Variants in ACVR1 observed in about 807,000 individuals in gnomAD.
ACVR1 encodes the protein activin A receptor type 1.
A neutral mutation model predicts 57.1 loss-of-function variants in ACVR1; 38 were observed. That is an observed-to-expected ratio of 0.67 (90% CI 0.51 to 0.87). The LOEUF (loss-of-function observed/expected upper bound fraction) is 0.87. Ranked by LOEUF, ACVR1 falls within the 40% of genes least tolerant of loss-of-function variation. The pLI is 0.00. For synonymous variants in ACVR1, 212 were observed against 228.1 expected (o/e 0.93, Z 0.63); for missense variants, 463 against 638.2 (o/e 0.73, Z 2.96).
chr2:157,845,517 G>C (rs1402131655), intron 1 of ACVR1, among the ~76,000 whole-genome samples: 1 of 152,128 alleles, frequency 6.6e-6, no homozygotes, highest in East Asian at 1.9e-4. Flanking sequence ...CCATCAGTTA[G>C]AGCATAACTC....
At chr2:157,834,507 G>A (rs1034301031) in intron 1 of ACVR1, among the ~76,000 whole-genome samples, 40 of 152,076 alleles carry the variant, frequency 2.6e-4, no homozygotes, top group African/African-American at 8.9e-4. Context: ...AGGTAGATGC[G>A]TAGGTCCCAA....
chr2:157,801,938 C>A (rs980303948), intron 2 of ACVR1, among the ~76,000 whole-genome samples: 4 of 152,090 alleles, frequency 2.6e-5, no homozygotes, highest in Non-Finnish European at 4.4e-5. Context: ...ATATTAGGAA[C>A]CTAAAATAGT....
intron 9 of ACVR1, among the ~76,000 whole-genome samples, chr2:157,749,039 G>A (rs1685078188): frequency 6.6e-6 from 1 of 152,096 alleles, no homozygotes; most frequent in Non-Finnish European, 1.5e-5. Flanking sequence ...CTAAATATAT[G>A]GCATTTTCTT....
At chr2:157,802,789 T>C (rs1221050964) in intron 2 of ACVR1, among the ~76,000 whole-genome samples, 1 of 152,216 alleles carries the variant, frequency 6.6e-6, no homozygotes, top group Non-Finnish European at 1.5e-5. Flanking sequence ...TGTGTGCTTT[T>C]GAACATCTGT....
At chr2:157,826,041 G>C (rs1023908805) in intron 1 of ACVR1, among the ~76,000 whole-genome samples, 1 of 152,194 alleles carries the variant, frequency 6.6e-6, no homozygotes, top group East Asian at 1.9e-4. Flanking sequence ...TGGCAGGAAT[G>C]TGGTAATCCT....
At chr2:157,817,376 G>A (rs1687975829) in intron 2 of ACVR1, among the ~76,000 whole-genome samples, 1 of 152,200 alleles carries the variant, frequency 6.6e-6, no homozygotes, top group Admixed American at 6.5e-5. Flanking sequence ...CCAAGGGCTA[G>A]TGGGGATGGG....
intron 9 of ACVR1, among the ~76,000 whole-genome samples, chr2:157,751,830 G>A (rs563445660): frequency 1.2e-4 from 19 of 152,172 alleles, no homozygotes; most frequent in African/African-American, 4.3e-4. Flanking sequence ...GCTCTGTCAC[G>A]CCTAACCCTG....
At chr2:157,743,206 A>G (rs368387858) in intron 9 of ACVR1, among the ~76,000 whole-genome samples, 2 of 151,980 alleles carry the variant, frequency 1.3e-5, no homozygotes, top group Admixed American at 6.6e-5. Flanking sequence ...AGCTTGTCCA[A>G]CTAGGTTCTT....
intron 8 of ACVR1, among the ~76,000 whole-genome samples, chr2:157,765,350 G>T (rs1685821162): frequency 6.6e-6 from 1 of 152,156 alleles, no homozygotes; most frequent in African/African-American, 2.4e-5. Flanking sequence ...ATTCTATAGA[G>T]TATTTATTGT....
chr2:157,740,536 T>C (rs1684711775), intron 9 of ACVR1, among the ~76,000 whole-genome samples: 3 of 152,232 alleles, frequency 2.0e-5, no homozygotes. Flanking sequence ...TCTCTCAATT[T>C]TTCTGAAAGA....
At position 157,780,624 on chromosome 2, in the gene ACVR1, G is replaced by GA. The variant is rs77640967; in HGVS notation, c.68-25dup. On this transcript the variant is annotated intron_variant, in intron 3 of 10. Coordinates refer to ENST00000434821, the MANE Select transcript of ACVR1 (RefSeq NM_001111067.4). The stretch of plus-strand genomic sequence containing the variant: ...ATCTGCAAAGGAGAGAAAGGAAGGG[G>GA]AAAAAAAAAAAAAAGAGGAATTACC... 0.01 allele frequency: 12,014 copies of GA among 1,192,926 alleles called. No homozygotes were observed. The highest frequency in any genetic ancestry group is 0.012 in the Non-Finnish European group (10,025 of 858,898). The allele number at this position is 1,192,926 out of a possible 1,614,324, so 73.9% of individuals were successfully genotyped here.
At chr2:157,777,326 C>A (rs185089335) in intron 5 of ACVR1, among the ~76,000 whole-genome samples, 4 of 152,226 alleles carry the variant, frequency 2.6e-5, no homozygotes, top group African/African-American at 9.6e-5. Flanking sequence ...TTGCCATGAG[C>A]AAGTAAACTG....
At chr2:157,815,327 G>C (rs1314734952) in intron 2 of ACVR1, among the ~76,000 whole-genome samples, 1 of 152,018 alleles carries the variant, frequency 6.6e-6, no homozygotes, top group Non-Finnish European at 1.5e-5. Context: ...TGGGTACTTG[G>C]GAGACAGAAA....
chr2:157,781,234 C>CA (rs1320321367), intron 3 of ACVR1, among the ~76,000 whole-genome samples: 1 of 152,144 alleles, frequency 6.6e-6, no homozygotes, highest in African/African-American at 2.4e-5. Flanking sequence ...CTGAGCATCT[C>CA]AAATCCAAAA....
chr2:157,766,967 T>A (rs1685884916), intron 7 of ACVR1, among the ~76,000 whole-genome samples: 2 of 152,350 alleles, frequency 1.3e-5, no homozygotes, highest in African/African-American at 4.8e-5. Context: ...GCAACTCAAC[T>A]GGTCTTGAAG....
chr2:157,747,448 G>A (rs1196729568), intron 9 of ACVR1, among the ~76,000 whole-genome samples: 1 of 152,006 alleles, frequency 6.6e-6, no homozygotes, highest in Non-Finnish European at 1.5e-5. Flanking sequence ...TATGGAAATG[G>A]TTAAGCTAAT....
intron 2 of ACVR1, chr2:157,806,837 G>C (rs1174475115): frequency 1.3e-5 from 2 of 152,208 alleles, no homozygotes; most frequent in African/African-American, 2.4e-5. Context: ...AAATTGCCAA[G>C]GCTTGGTTTT....
chr2:157,805,899 C>T (rs1424582684), intron 2 of ACVR1, among the ~76,000 whole-genome samples: 6 of 141,510 alleles, frequency 4.2e-5, no homozygotes, highest in African/African-American at 8.1e-5. Context: ...CCTCAGCTTA[C>T]TGCAGCCTCA....
chr2:157,783,120 A>G (rs1363730026), intron 3 of ACVR1, among the ~76,000 whole-genome samples: 2 of 152,240 alleles, frequency 1.3e-5, no homozygotes, highest in African/African-American at 4.8e-5. Context: ...CTAAACGGAC[A>G]GTCCAGGGAA....
Sources: gnomAD v4.1 joint callset for allele counts (sites outside exome capture counted in the v4.1 genomes callset) on GRCh38, gnomAD v4.1.1 for gene constraint, MANE v1.5 for transcripts, NCBI Gene and HGNC (gene_info 2026-07-23, HGNC 2026-07-21) for gene names.